The following POLD4 variants were observed in gnomAD, a reference collection of about 807,000 sequenced individuals.
POLD4 encodes DNA polymerase delta 4, accessory subunit.
In POLD4, 9 loss-of-function variants were observed where a neutral mutation model predicts 16.5. The ratio of observed to expected loss-of-function variants is 0.55; its 90% confidence interval spans 0.33 to 0.95. The LOEUF (loss-of-function observed/expected upper bound fraction) is 0.95. Ranked by LOEUF, POLD4 falls within the 40% of genes least tolerant of loss-of-function variation. The pLI, the probability that POLD4 is intolerant of heterozygous loss-of-function variation, is 0.03. For missense variants in POLD4, 129 were observed against 139.7 expected, an observed-to-expected ratio of 0.92 and a Z score of 0.39; for synonymous variants, 62 against 57.6, an observed-to-expected ratio of 1.08 and a Z score of -0.35.
In POLD4 at chr11:67,351,844, G is replaced by T. The variant is rs920748832; in HGVS notation, c.*151C>A. The T allele has an allele frequency of 2.7e-6, 2 of 730,578 alleles. No homozygotes were observed. Among genetic ancestry groups the T allele is most frequent in the Non-Finnish European group, 4.6e-6 (2 of 430,870 alleles). The allele number at this position is 730,578 out of a possible 1,614,324, so 45.3% of individuals were successfully genotyped here. ...CTGGGAGCCTGCTGGTTAGATGGAG[G>T]AGTTGAGCCTCTGACACCTCCAGGT... is the stretch of plus-strand genomic sequence containing the variant. On this transcript the variant is annotated 3_prime_UTR_variant, in exon 4 of 4. Transcript: ENST00000312419. This position sits in a 1 kb window ranked among gnomAD's most constrained non-coding sequence, Gnocchi z 4.8.
rs1368085246 is a variant in POLD4, at chr11:67,353,513, G to A, written c.-114C>T. The stretch of plus-strand genomic sequence containing the variant: ...AGACAGACGGGGCCAGGCCAGCGGC[G>A]GGCAGACAAGATGACCCAGACAAAC... On this transcript the variant is annotated 5_prime_UTR_variant, in exon 1 of 4. Coordinates refer to ENST00000312419, the MANE Select transcript of POLD4 (RefSeq NM_021173.5). 3 of 888,052 alleles carry A rather than the reference G, an allele frequency of 3.4e-6. No homozygotes were observed. Among genetic ancestry groups the A allele is most frequent in the Non-Finnish European group, 5.1e-6 (3 of 590,672 alleles). The allele number at this position is 888,052 out of a possible 1,614,324, so 55.0% of individuals were successfully genotyped here.
intron 3 of POLD4, chr11:67,352,242 G>C: frequency 4.0e-6 from 2 of 504,862 alleles, no homozygotes; most frequent in Non-Finnish European, 7.1e-6. Flanking sequence ...GGGTGTGGTG[G>C]CTCACGCCTG....
At chr11:67,353,112 C>T in intron 1 of POLD4, 35 bp from the exon 2 acceptor site, 1 of 1,549,766 alleles carries the variant, frequency 6.5e-7, no homozygotes, top group Non-Finnish European at 8.7e-7. Context: ...ACGAGGTTGG[C>T]TTCAGTCTCC....
Position 67,352,979 on chromosome 11 carries a change from G to T in POLD4, c.187+9C>A. ...AGAGGCGCCTCCGTGGGGCTGGGTG[G>T]GTTCTCACCGGTGCAGGGCCCGTAC... On this transcript the variant is annotated intron_variant, in intron 2 of 3. Coordinates refer to ENST00000312419, the MANE Select transcript of POLD4 (RefSeq NM_021173.5). 2 of 1,551,448 alleles carry T rather than the reference G, an allele frequency of 1.3e-6. No homozygotes were observed. The highest frequency in any genetic ancestry group is 2.4e-5 in the East Asian group (1 of 41,850).
rs1388330911 is a variant in POLD4, at chr11:67,352,775, C to G, written c.215G>C (p.Arg72Pro). The G allele has an allele frequency of 6.2e-7, 1 of 1,611,018 alleles. No individual in the cohort carries two copies. The highest frequency in any genetic ancestry group is 8.5e-7 in the Non-Finnish European group (1 of 1,178,488). The change falls in exon 3 of 4, where the codon CGG (arginine) becomes CCG (proline). Residue 72 changes from arginine to proline, a missense_variant. Transcript: ENST00000312419. The stretch of plus-strand genomic sequence containing the variant: ...AGGCTCCAAGCCCATCTGCTTGGCC[C>G]GACACCAGCGCTGCAGCCGTGTGAT... ...TGITRLQRWC[R>P]AKQMGLEPPP...
chr11:67,353,153 C>G, intron 1 of POLD4, 76 bp from the exon 2 acceptor site: 1 of 1,503,886 alleles, frequency 6.6e-7, no homozygotes, highest in Non-Finnish European at 9.0e-7. Context: ...TCCTCACCAC[C>G]GCTTTGCCTC....
At chr11:67,352,638 G>A in intron 3 of POLD4, 53 bp downstream of exon 3, 1 of 1,398,104 alleles carries the variant, frequency 7.2e-7, no homozygotes, top group Non-Finnish European at 1.0e-6. Context: ...CAGGGTGACA[G>A]TGCCTGGAGA....
rs1861923244 is a variant in POLD4 at position 67,353,407 on chromosome 11, A to C, written c.-8T>G. On this transcript the variant is annotated 5_prime_UTR_variant, in exon 1 of 4. Coordinates refer to ENST00000312419, the MANE Select transcript of POLD4 (RefSeq NM_021173.5). Reference sequence around the variant, plus strand: ...GAGCCGCTTCCGGCCCATGGCGGCCACCCAGGCAGGCAGAGAAGGAGGCAA... The same window carrying C: ...GAGCCGCTTCCGGCCCATGGCGGCCCCCCAGGCAGGCAGAGAAGGAGGCAA... The C allele has an allele frequency of 1.2e-6, 2 of 1,608,850 alleles. No homozygotes were observed. The highest frequency in any genetic ancestry group is 1.7e-5 in the Admixed American group (1 of 59,608).
upstream of POLD4, chr11:67,353,582 A>C: frequency 1.7e-6 from 1 of 584,400 alleles, no homozygotes; most frequent in South Asian, 2.1e-5. Context: ...CGCCTCCCCC[A>C]CCCCCAAAAG....
rs778905177 is a variant in POLD4 at position 67,352,797 on chromosome 11, T to C, written c.193A>G (p.Thr65Ala). Residue 65 changes from threonine to alanine, a missense_variant, in exon 3 of 4, where the codon ACA becomes GCA. By Grantham distance (58) the Thr-to-Ala change is moderately conservative. Transcript: ENST00000312419. The part of the protein sequence containing the change: ...AWQYGPCTGI[T>A]RLQRWCRAKQ... The stretch of plus-strand genomic sequence containing the variant: ...GCCCGACACCAGCGCTGCAGCCGTG[T>C]GATCCCTGCCAGGGTGGGAAGAAGA... The C allele has an allele frequency of 6.2e-7, 1 of 1,604,016 alleles. No individual in the cohort carries two copies. Among genetic ancestry groups the C allele is most frequent in the Non-Finnish European group, 8.5e-7 (1 of 1,174,140 alleles).
chr11:67,351,601 A>C lies in POLD4; in HGVS notation c.*394T>G. The C allele has an allele frequency of 9.9e-6, 2 of 201,534 alleles. No individual in the cohort carries two copies. The highest frequency in any genetic ancestry group is 1.8e-4 in the South Asian group (2 of 11,064). 12.5% of individuals were successfully genotyped at this position (201,534 alleles called of 1,614,324 possible). Reference sequence around the variant, plus strand: ...GCATTAGTGAACCCCTTGCCCTGGGAGCTCAGCCAGTCCTGCTCTCAGATT... The same window carrying C: ...GCATTAGTGAACCCCTTGCCCTGGGCGCTCAGCCAGTCCTGCTCTCAGATT... On this transcript the variant is annotated 3_prime_UTR_variant, in exon 4 of 4. Transcript: ENST00000312419. This position sits in a 1 kb window ranked among gnomAD's most constrained non-coding sequence, Gnocchi z 4.8.
chr11:67,353,366 G>A lies in POLD4; in HGVS notation c.34C>T (p.Pro12Ser). Residue 12 changes from proline to serine, a missense_variant, in exon 1 of 4, where the codon CCG becomes TCG. Physicochemically the swap from Pro to Ser is moderately conservative, Grantham distance 74 (BLOSUM62 -1). Coordinates refer to ENST00000312419, the MANE Select transcript of POLD4 (RefSeq NM_021173.5). Reference protein sequence around the residue: ...GRKRLITDSYPVVKRREGPAG... With the variant: ...GRKRLITDSYSVVKRREGPAG... ...GGCCCCTCCCTCCTCTTCACAACCG[G>A]GTAGGAATCAGTGATGAGCCGCTTC... 1.1e-5 allele frequency: 18 copies of A among 1,612,450 alleles called. No individual in the cohort carries two copies. Among genetic ancestry groups the A allele is most frequent in the Non-Finnish European group, 1.5e-5 (18 of 1,180,010 alleles).
intron 1 of POLD4, 66 bp from the exon 2 acceptor site, chr11:67,353,143 T>G: frequency 2.0e-6 from 3 of 1,513,380 alleles, no homozygotes; most frequent in South Asian, 2.4e-5. Context: ...CTCCCAGCCT[T>G]CCTCACCACC....
In POLD4 at chr11:67,351,759, C is replaced by G. The variant is rs1225518439; in HGVS notation, c.*236G>C. 1 of 518,798 alleles carries G rather than the reference C, an allele frequency of 1.9e-6. No homozygotes were observed. The highest frequency in any genetic ancestry group is 3.5e-6 in the Non-Finnish European group (1 of 286,326). 32.1% of individuals were successfully genotyped at this position (518,798 alleles called of 1,614,324 possible). ...AAGGTGATGGCCAGGTCCTTTTCCC[C>G]AGTGACCACTCTCCATCTAGAAGCA... On this transcript the variant is annotated 3_prime_UTR_variant, in exon 4 of 4. Transcript: ENST00000312419. The surrounding 1 kb of genome is among the most constrained non-coding windows in gnomAD (Gnocchi z 4.8).
chr11:67,352,878 G>C (rs570771947), intron 2 of POLD4, 76 bp from the exon 3 acceptor site: 13 of 1,368,820 alleles, frequency 9.5e-6, no homozygotes, highest in African/African-American at 1.4e-5. Flanking sequence ...GTGTGTGTTG[G>C]GGGGAGACAG....
chr11:67,353,276 C>T (rs1269727664), intron 1 of POLD4, 27 bp downstream of exon 1: 1 of 1,601,390 alleles, frequency 6.2e-7, no homozygotes, highest in African/African-American at 1.3e-5. Context: ...GTGTCCACTC[C>T]TCCTGCCTCC....
At chr11:67,352,624 A>G (rs1861895141) in intron 3 of POLD4, 67 bp downstream of exon 3, 1 of 1,246,804 alleles carries the variant, frequency 8.0e-7, no homozygotes, top group Non-Finnish European at 1.2e-6. Context: ...TCAGGTCAGG[A>G]CAGCAGGGTG....
chr11:67,353,473 G>C lies in POLD4; in HGVS notation c.-74C>G. 1 of 1,315,930 alleles carries C rather than the reference G, an allele frequency of 7.6e-7. No homozygotes were observed. Among genetic ancestry groups the C allele is most frequent in the East Asian group, 2.4e-5 (1 of 42,340 alleles). The allele number at this position is 1,315,930 out of a possible 1,614,324, so 81.5% of individuals were successfully genotyped here. On this transcript the variant is annotated 5_prime_UTR_variant, in exon 1 of 4. Coordinates refer to ENST00000312419, the MANE Select transcript of POLD4 (RefSeq NM_021173.5). ...GAGACCGGCCAGTGGGCGCGAGAAAGACAGCTGCTGAGAGAGACAGACGGG... is the reference window on the plus strand; with the variant it reads ...GAGACCGGCCAGTGGGCGCGAGAAACACAGCTGCTGAGAGAGACAGACGGG...
At chr11:67,352,883 A>C in intron 2 of POLD4, 81 bp from the exon 3 acceptor site, 1 of 1,358,774 alleles carries the variant, frequency 7.4e-7, no homozygotes, top group South Asian at 1.3e-5. Flanking sequence ...TGTTGGGGGG[A>C]GACAGTTCCT....
Sources: gnomAD v4.1 joint callset for allele counts on GRCh38, gnomAD v4.1.1 for gene constraint, Gnocchi (gnomAD v3.1) non-coding constraint, MANE v1.5 for transcripts, NCBI Gene and HGNC (gene_info 2026-07-23, HGNC 2026-07-21) for gene names.